SH3PXD2A: variants seen among roughly 807,000 people sequenced by gnomAD.
SH3PXD2A encodes the protein SH3 and PX domain-containing protein 2A.
SH3PXD2A carries 32 observed loss-of-function variants against 115.2 expected under a neutral mutation model. The ratio of observed to expected loss-of-function variants is 0.28; its 90% CI spans 0.21 to 0.37. SH3PXD2A has a LOEUF of 0.37. SH3PXD2A is among the 10% of genes least tolerant of loss of function. The probability of loss-of-function intolerance (pLI) is 1.00; values close to 1 mark genes in which losing one functional copy is unlikely to be tolerated. For missense variants in SH3PXD2A, 1,328 were observed against 1,498.7 expected (o/e 0.89, Z 1.88); for synonymous variants, 610 against 629.1 (o/e 0.97, Z 0.45).
intron 6 of SH3PXD2A, among the ~76,000 whole-genome samples, chr10:103,690,421 T>C (rs1439313150): frequency 2.0e-5 from 3 of 152,166 alleles, no homozygotes; most frequent in Non-Finnish European, 1.5e-5. Context: ...GCTTATGTGA[T>C]TGTGGAGGTT....
intron 1 of SH3PXD2A, among the ~76,000 whole-genome samples, chr10:103,819,273 G>A (rs1278785137): frequency 6.6e-6 from 1 of 152,240 alleles, no homozygotes; most frequent in Non-Finnish European, 1.5e-5. Flanking sequence ...CTGTTCCCAG[G>A]GAACCCCAGG....
chr10:103,817,112 C>T (rs186716092), intron 1 of SH3PXD2A, among the ~76,000 whole-genome samples: 6 of 146,948 alleles, frequency 4.1e-5, no homozygotes, highest in East Asian at 4.1e-4. Flanking sequence ...CCAAAGTGTT[C>T]GGATTACAGG....
At position 103,784,265 on chromosome 10, in the gene SH3PXD2A, G is replaced by C. The variant is rs1352798855; in HGVS notation, c.153+17017C>G. On this transcript the variant is annotated intron_variant, in intron 2 of 14. Coordinates refer to ENST00000369774, the MANE Select transcript of SH3PXD2A (RefSeq NM_001394015.1). The surrounding 1 kb of genome is among the most constrained non-coding windows in gnomAD (Gnocchi z 4.4). ...CAGACCCCAAGAGGTCACAGAAGCA[G>C]GGGTCGCCCAAGCCTCTGTGCATGC... is the stretch of plus-strand genomic sequence containing the variant. 6.6e-6 allele frequency among the ~76,000 whole-genome samples: 1 copy of C among 152,204 alleles called. No homozygotes were observed. Among genetic ancestry groups the C allele is most frequent in the Non-Finnish European group, 1.5e-5 (1 of 68,046 alleles).
chr10:103,714,022 T>G (rs573299607), intron 5 of SH3PXD2A, among the ~76,000 whole-genome samples: 1 of 152,320 alleles, frequency 6.6e-6, no homozygotes, highest in South Asian at 2.1e-4. Flanking sequence ...AGAGGAAGGC[T>G]GGTCCCAGTG....
intron 1 of SH3PXD2A, among the ~76,000 whole-genome samples, chr10:103,849,137 G>A (rs1049909846): frequency 6.6e-6 from 1 of 151,748 alleles, no homozygotes. Context: ...ATCCCCAGGT[G>A]GTGCTGCCTG....
At position 103,784,054 on chromosome 10, in the gene SH3PXD2A, T is replaced by C. The variant is rs951885329; in HGVS notation, c.154-16885A>G. Among the ~76,000 whole-genome samples the C allele has an allele frequency of 2.0e-5, 3 of 152,248 alleles. No homozygotes were observed. The highest frequency in any genetic ancestry group is 6.5e-5 in the Admixed American group (1 of 15,292). On this transcript the variant is annotated intron_variant, in intron 2 of 14. Coordinates refer to ENST00000369774, the MANE Select transcript of SH3PXD2A (RefSeq NM_001394015.1). The surrounding 1 kb of genome is among the most constrained non-coding windows in gnomAD (Gnocchi z 4.4). ...ACCCTGGTGCCCAGCTGCAGGCTAC[T>C]TCTCCAGGTGGCAGCCCAGCTGCTG...
At chr10:103,802,303 T>C (rs992894045) in intron 1 of SH3PXD2A, among the ~76,000 whole-genome samples, 1 of 152,214 alleles carries the variant, frequency 6.6e-6, no homozygotes, top group Non-Finnish European at 1.5e-5. Flanking sequence ...CACTTTGCTA[T>C]GTTGAACAAA....
At chr10:103,680,138 C>T (rs1044987367) in intron 6 of SH3PXD2A, among the ~76,000 whole-genome samples, 3 of 152,054 alleles carry the variant, frequency 2.0e-5, no homozygotes, top group Admixed American at 6.6e-5. Flanking sequence ...CACCACGACA[C>T]CAAGCTAATT....
chr10:103,767,294 T>A lies in SH3PXD2A; in HGVS notation c.154-125A>T, dbSNP rs56303513. 1.9e-3 allele frequency: 1,289 copies of A among 692,144 alleles called. 17 individuals are homozygous for A. In the African/African-American group the frequency reaches 0.02, roughly 11 times the overall value. The allele number at this position is 692,144 out of a possible 1,614,324, so 42.9% of individuals were successfully genotyped here. A position where few individuals can be genotyped will look rare whatever the true frequency, so the allele number is the denominator to read the frequency against. ...TCACACGGATGAGTGACGCCTGAGA[T>A]CCCTCATTTCACAGATGATTAACAA... On this transcript the variant is annotated intron_variant, in intron 2 of 14. Transcript: ENST00000369774.
chr10:103,845,539 A>C (rs1162733316), intron 1 of SH3PXD2A, among the ~76,000 whole-genome samples: 1 of 152,184 alleles, frequency 6.6e-6, no homozygotes, highest in East Asian at 1.9e-4. Flanking sequence ...CACAAGAGGA[A>C]GCATGAATAA....
chr10:103,736,848 T>C (rs2038386558), intron 3 of SH3PXD2A: 20 of 1,143,290 alleles, frequency 1.7e-5, no homozygotes, highest in Non-Finnish European at 2.2e-5. Context: ...CATCTTCCAC[T>C]CCCAGTCCTT....
At chr10:103,759,528 G>A (rs2038677130) in intron 3 of SH3PXD2A, among the ~76,000 whole-genome samples, 1 of 152,234 alleles carries the variant, frequency 6.6e-6, no homozygotes, top group African/African-American at 2.4e-5. Context: ...TGGCTTGCTA[G>A]TGGGAGGGGA....
chr10:103,773,840 G>A (rs2038854177), intron 2 of SH3PXD2A, among the ~76,000 whole-genome samples: 1 of 152,174 alleles, frequency 6.6e-6, no homozygotes, highest in Non-Finnish European at 1.5e-5. Flanking sequence ...CTGGGCTCAA[G>A]TGATCCTCCC....
chr10:103,685,593 C>G (rs2037667790), intron 6 of SH3PXD2A, among the ~76,000 whole-genome samples: 1 of 152,158 alleles, frequency 6.6e-6, no homozygotes, highest in South Asian at 2.1e-4. Flanking sequence ...GTGCTGCCTC[C>G]TATTCATAGT....
chr10:103,660,434 T>C (rs1052281171), intron 8 of SH3PXD2A, among the ~76,000 whole-genome samples: 6 of 152,168 alleles, frequency 3.9e-5, no homozygotes, highest in Admixed American at 1.3e-4. Context: ...TCACTGCGCT[T>C]GCTTTCCAGG....
Position 103,601,883 on chromosome 10 carries a change from T to A in SH3PXD2A, c.3335A>T (p.Gln1112Leu), listed in dbSNP as rs1306202356. The A allele has an allele frequency of 5.6e-6, 9 of 1,613,954 alleles. No individual in the cohort carries two copies. The highest frequency in any genetic ancestry group is 6.8e-6 in the Non-Finnish European group (8 of 1,179,936). ...GAAGGGCTTCACACCATCCAGGATCTGGCAGTACCACCAGCCATTAGGGTT... is the reference window on the plus strand; with the variant it reads ...GAAGGGCTTCACACCATCCAGGATCAGGCAGTACCACCAGCCATTAGGGTT... ...ERNPNGWWYC[Q>L]ILDGVKPFKG... Residue 1112 changes from glutamine (Q) to leucine (L), a missense_variant, in exon 15 of 15, where the codon CAG becomes CTG. This residue lies in a region of SH3PXD2A where 45 missense variants were observed against 73.6 expected (regional missense o/e 0.61). Transcript: ENST00000369774.
intron 14 of SH3PXD2A, among the ~76,000 whole-genome samples, chr10:103,604,728 T>C (rs1425622914): frequency 1.3e-5 from 2 of 152,232 alleles, no homozygotes; most frequent in East Asian, 3.9e-4. Context: ...TCTCCTTCTT[T>C]GGGTCCTACA....
intron 3 of SH3PXD2A, among the ~76,000 whole-genome samples, chr10:103,751,859 C>T (rs538963814): frequency 2.2e-4 from 33 of 152,304 alleles, no homozygotes; most frequent in African/African-American, 7.5e-4. Flanking sequence ...CCAAAGCAAC[C>T]GAATAACCCG....
intron 3 of SH3PXD2A, among the ~76,000 whole-genome samples, chr10:103,757,094 T>A (rs1303853828): frequency 6.6e-6 from 1 of 152,080 alleles, no homozygotes; most frequent in Non-Finnish European, 1.5e-5. Context: ...ATAACTGTAC[T>A]CTCTCAGCAT....
Sources: gnomAD v4.1 joint callset for allele counts (sites outside exome capture counted in the v4.1 genomes callset) on GRCh38, gnomAD v4.1.1 for gene constraint, gnomAD v4.1.1 regional missense constraint, Gnocchi (gnomAD v3.1) non-coding constraint, MANE v1.5 for transcripts, NCBI Gene and HGNC (gene_info 2026-07-23, HGNC 2026-07-21) for gene names.